Variants in TPP2 observed in about 807,000 individuals in gnomAD.
TPP2 encodes the protein tripeptidyl peptidase 2.
In TPP2, 34 loss-of-function variants were observed where a neutral mutation model predicts 155.9. That is an observed-to-expected ratio of 0.22 (90% confidence interval 0.17 to 0.29). The LOEUF (loss-of-function observed/expected upper bound fraction) is 0.29. TPP2 is among the 10% of genes least tolerant of loss of function. TPP2 has a pLI of 1.00. For missense variants in TPP2, 1,028 were observed against 1,522.3 expected, an observed-to-expected ratio of 0.68 and a Z score of 5.40; for synonymous variants, 510 against 529.4, an observed-to-expected ratio of 0.96 and a Z score of 0.50.
rs757596163 is a variant in TPP2 at position 102,656,845 on chromosome 13, A to G, written c.2992-211A>G. ...TTATCTCTTTTATTTTAAAGGAGAT[A>G]TTTGAAGTATCAGTACTCAGCATCA... On this transcript the variant is annotated intron_variant, in intron 24 of 29. Coordinates refer to ENST00000376052, the MANE Select transcript of TPP2 (RefSeq NM_001330588.2). 8.6e-6 allele frequency: 3 copies of G among 350,308 alleles called. No individual in the cohort carries two copies. In the East Asian group the frequency reaches 1.4e-4, roughly 17 times the overall value. 21.7% of individuals were successfully genotyped at this position (350,308 alleles called of 1,614,324 possible). A position where few individuals can be genotyped will look rare whatever the true frequency, so the allele number is the denominator to read the frequency against.
chr13:102,652,387 A>AACATACAT (rs1203468280), intron 24 of TPP2, among the ~76,000 whole-genome samples: 14 of 69,348 alleles, frequency 2.0e-4, no homozygotes, highest in African/African-American at 8.2e-4. Context: ...CTCAAAACAA[A>AACATACAT]ACATACATAC....
chr13:102,627,239 C>A (rs16960258), intron 7 of TPP2, 73 bp downstream of exon 7: 2 of 1,413,906 alleles, frequency 1.4e-6, no homozygotes, highest in Non-Finnish European at 1.9e-6. Flanking sequence ...TTTATAAGTG[C>A]TCCTAGTTTA....
chr13:102,616,835 G>T (rs1282391862), intron 4 of TPP2, among the ~76,000 whole-genome samples: 1 of 152,018 alleles, frequency 6.6e-6, no homozygotes, highest in Non-Finnish European at 1.5e-5. Context: ...CCACCACCTT[G>T]ACTTCTAACA....
chr13:102,639,231 A>G (rs866208782), intron 15 of TPP2, among the ~76,000 whole-genome samples: 32 of 152,230 alleles, frequency 2.1e-4, no homozygotes, highest in South Asian at 4.1e-4. Flanking sequence ...AAAATAAATT[A>G]TCTAGTGGAT....
At chr13:102,634,560 G>A (rs937078633) in intron 11 of TPP2, among the ~76,000 whole-genome samples, 2 of 152,094 alleles carry the variant, frequency 1.3e-5, no homozygotes, top group Non-Finnish European at 2.9e-5. Flanking sequence ...TCAGATTTAG[G>A]GTAGCCAGGC....
At chr13:102,617,916 G>A (rs1595146976) in intron 4 of TPP2, among the ~76,000 whole-genome samples, 1 of 152,164 alleles carries the variant, frequency 6.6e-6, no homozygotes, top group East Asian at 1.9e-4. Flanking sequence ...TTTGGCCCAT[G>A]CACCATGATT....
chr13:102,644,481 G>A, intron 17 of TPP2, 76 bp from the exon 18 acceptor site: 1 of 1,276,610 alleles, frequency 7.8e-7, no homozygotes, highest in Non-Finnish European at 1.1e-6. Context: ...GAATTGCTCT[G>A]AAACAGCTAG....
At chr13:102,633,186 G>GTT in intron 10 of TPP2, among the ~76,000 whole-genome samples, 1 of 152,280 alleles carries the variant, frequency 6.6e-6, no homozygotes, top group Middle Eastern at 3.4e-3. Flanking sequence ...ACAGAGCTTT[G>GTT]TTGGATGATA....
chr13:102,620,940 A>C (rs973532558), intron 5 of TPP2, among the ~76,000 whole-genome samples: 1 of 152,024 alleles, frequency 6.6e-6, no homozygotes, highest in African/African-American at 2.4e-5. Context: ...GATGTGTGAA[A>C]ATGTCGAGAA....
At chr13:102,676,841 T>G (rs1885305012) in intron 29 of TPP2, among the ~76,000 whole-genome samples, 1 of 152,246 alleles carries the variant, frequency 6.6e-6, no homozygotes, top group African/African-American at 2.4e-5. Flanking sequence ...ATATACAATA[T>G]TATGTGCAGA....
chr13:102,640,403 C>G (rs561311693), intron 16 of TPP2, 27 bp downstream of exon 16: 1 of 1,548,078 alleles, frequency 6.5e-7, no homozygotes, highest in Non-Finnish European at 8.9e-7. Flanking sequence ...TCTGTGTGAC[C>G]GCTTATCTCT....
chr13:102,666,766 C>CTTTTTTTTTTTTTATTT (rs1884628629), intron 27 of TPP2, among the ~76,000 whole-genome samples: 1 of 55,732 alleles, frequency 1.8e-5, no homozygotes, highest in African/African-American at 7.7e-5. Context: ...TTTTTAATCT[C>CTTTTTTTTTTTTTATTT]TTTTTTTTTT....
chr13:102,640,776 G>T (rs989789105), intron 16 of TPP2, among the ~76,000 whole-genome samples: 1 of 150,140 alleles, frequency 6.7e-6, no homozygotes, highest in Non-Finnish European at 1.5e-5. Flanking sequence ...TCAGCCTCCC[G>T]AGTAGCTTGG....
rs750446512 is a variant in TPP2, at chr13:102,674,481, T to C, written c.3570T>C (p.Phe1190=). ...FWETTKWTDL[F]DNKVLTFAYK... is the part of the protein sequence containing the mutation. ...AAACTACTAAATGGACTGATCTCTT[T>C]GACAATAAGGTAACGTTTCTGCTTC... Residue 1190 remains phenylalanine, a synonymous_variant, in exon 28 of 30, where the codon TTT becomes TTC. Coordinates refer to ENST00000376052, the MANE Select transcript of TPP2 (RefSeq NM_001330588.2). 2.5e-6 allele frequency: 4 copies of C among 1,613,710 alleles called. No homozygotes were observed. Among genetic ancestry groups the C allele is most frequent in the South Asian group, 1.1e-5 (1 of 91,074 alleles).
chr13:102,636,039 T>C (rs1882357912), intron 12 of TPP2, among the ~76,000 whole-genome samples, 185 bp from the exon 13 acceptor site: 2 of 152,176 alleles, frequency 1.3e-5, no homozygotes, highest in Non-Finnish European at 2.9e-5. Context: ...GAGTGGAAGA[T>C]GTGACTGGTG....
Position 102,649,148 on chromosome 13 carries a change from ATAAG to A in TPP2, c.2873+3_2873+6del. 1 of 1,602,284 alleles carries A rather than the reference ATAAG, an allele frequency of 6.2e-7. No homozygotes were observed. Among genetic ancestry groups the A allele is most frequent in the Non-Finnish European group, 8.5e-7 (1 of 1,174,780 alleles). ...TTCTTTGTTACTTCCTTACCTGATGATAAGTAAGTGATAACATTGCTTATACTTA... is the reference window on the plus strand; with the variant it reads ...TTCTTTGTTACTTCCTTACCTGATGATAAGTGATAACATTGCTTATACTTA... On this transcript the variant is annotated splice_donor_variant and coding_sequence_variant, in exon 22 of 30. Transcript: ENST00000376052. LOFTEE classifies it high-confidence loss of function.
intron 27 of TPP2, among the ~76,000 whole-genome samples, chr13:102,673,072 G>A (rs1885078087): frequency 6.6e-6 from 1 of 152,180 alleles, no homozygotes; most frequent in Admixed American, 6.5e-5. Flanking sequence ...AGGATCAAAT[G>A]GGCTTTGAAC....
At chr13:102,601,084 G>T (rs983695409) in intron 1 of TPP2, among the ~76,000 whole-genome samples, 1 of 152,018 alleles carries the variant, frequency 6.6e-6, no homozygotes, top group Non-Finnish European at 1.5e-5. Flanking sequence ...TAGAGACAGG[G>T]TCTCACTGTG....
intron 2 of TPP2, among the ~76,000 whole-genome samples, chr13:102,610,227 A>G (rs1156903698): frequency 6.6e-6 from 1 of 151,824 alleles, no homozygotes; most frequent in Non-Finnish European, 1.5e-5. Context: ...TTATTTATTT[A>G]TTTATTCATT....
Sources: gnomAD v4.1 joint callset for allele counts (sites outside exome capture counted in the v4.1 genomes callset) on GRCh38, gnomAD v4.1.1 for gene constraint, MANE v1.5 for transcripts, NCBI Gene and HGNC (gene_info 2026-07-23, HGNC 2026-07-21) for gene names.